The following METTL16 variants were observed in gnomAD, a reference collection of about 807,000 sequenced individuals.
METTL16 encodes the protein RNA N(6)-adenosine-methyltransferase METTL16.
METTL16 carries 19 observed loss-of-function variants against 57.9 expected under a neutral mutation model. The ratio of observed to expected loss-of-function variants is 0.33; its 90% CI spans 0.23 to 0.48. METTL16 has a LOEUF of 0.48. Ranked by LOEUF, METTL16 falls within the 20% of genes least tolerant of loss-of-function variation. METTL16 has a pLI of 0.99. For missense variants in METTL16, 434 were observed against 691.5 expected (o/e 0.63, Z 4.18); for synonymous variants, 246 against 255.6 (o/e 0.96, Z 0.36).
chr17:2,472,151 C>A (rs1426672579), intron 4 of METTL16, among the ~76,000 whole-genome samples: 3 of 149,684 alleles, frequency 2.0e-5, no homozygotes, highest in Admixed American at 6.6e-5. Flanking sequence ...GAACAGACAT[C>A]TCACCAAAAA....
intron 6 of METTL16, among the ~76,000 whole-genome samples, chr17:2,455,842 G>A (rs2067106415): frequency 6.6e-6 from 1 of 152,000 alleles, no homozygotes; most frequent in Admixed American, 6.6e-5. Context: ...AATTGGCCAG[G>A]CATGGTGTTG....
chr17:2,440,836 G>A (rs2066944630), intron 7 of METTL16, among the ~76,000 whole-genome samples: 1 of 151,810 alleles, frequency 6.6e-6, no homozygotes, highest in Non-Finnish European at 1.5e-5. Flanking sequence ...GCTAGGCATG[G>A]TGCCATCTGC....
intron 8 of METTL16, among the ~76,000 whole-genome samples, chr17:2,437,021 A>AC (rs1332018420): frequency 6.6e-6 from 1 of 152,034 alleles, no homozygotes; most frequent in Non-Finnish European, 1.5e-5. Context: ...AGCTGGGACT[A>AC]CAGGCATGCG....
intron 2 of METTL16, among the ~76,000 whole-genome samples, chr17:2,492,436 T>G (rs991122958): frequency 6.6e-6 from 1 of 152,126 alleles, no homozygotes; most frequent in African/African-American, 2.4e-5. Flanking sequence ...GCCACCTTAC[T>G]TATACCAGGC....
chr17:2,417,931 G>C lies in METTL16; in HGVS notation c.*2039C>G, dbSNP rs1324082970. The C allele has an allele frequency of 6.6e-6, 1 of 152,118 alleles. No individual in the cohort carries two copies. Among genetic ancestry groups the C allele is most frequent in the Non-Finnish European group, 1.5e-5 (1 of 68,032 alleles). 9.4% of individuals were successfully genotyped at this position (152,118 alleles called of 1,614,324 possible). On this transcript the variant is annotated 3_prime_UTR_variant, in exon 10 of 10. Transcript: ENST00000263092. ...CCTAAAATTATACCAAGGAAACTAG[G>C]TTTGGGCCCAGCAAATGACTCAAAT...
chr17:2,511,721 A>C (rs1198613054), intron 1 of METTL16, 38 bp downstream of exon 1: 2 of 397,388 alleles, frequency 5.0e-6, no homozygotes, highest in African/African-American at 4.1e-5. Flanking sequence ...TAAGTGACCC[A>C]TGATAGTAAA....
intron 3 of METTL16, 29 bp downstream of exon 3, chr17:2,477,657 T>C: frequency 6.5e-7 from 1 of 1,541,310 alleles, no homozygotes; most frequent in South Asian, 1.1e-5. Flanking sequence ...GAAAACTGTT[T>C]AGCCAAAAAA....
intron 6 of METTL16, among the ~76,000 whole-genome samples, chr17:2,447,487 C>T (rs1227163820): frequency 5.5e-5 from 7 of 127,216 alleles, no homozygotes; most frequent in Admixed American, 2.9e-4. Context: ...CCGCCCCGTC[C>T]GGGAGGTGAG....
intron 2 of METTL16, among the ~76,000 whole-genome samples, chr17:2,499,909 C>T (rs1364916601): frequency 6.6e-6 from 1 of 152,094 alleles, no homozygotes; most frequent in Non-Finnish European, 1.5e-5. Context: ...TGCATCACCA[C>T]ACCCAGCTAA....
chr17:2,509,243 C>T (rs778548999), intron 1 of METTL16, among the ~76,000 whole-genome samples: 2 of 152,188 alleles, frequency 1.3e-5, no homozygotes, highest in African/African-American at 4.8e-5. Flanking sequence ...TTTGAGTAAA[C>T]AATTCAGAAT....
intron 2 of METTL16, among the ~76,000 whole-genome samples, chr17:2,497,049 A>G (rs1016132824): frequency 2.6e-5 from 4 of 151,640 alleles, no homozygotes; most frequent in Non-Finnish European, 5.9e-5. Flanking sequence ...TCTGTTGCCC[A>G]GGTTGCACTG....
chr17:2,452,243 C>A (rs750863198), intron 6 of METTL16, among the ~76,000 whole-genome samples: 5 of 151,314 alleles, frequency 3.3e-5, no homozygotes, highest in African/African-American at 1.2e-4. Flanking sequence ...GCCATTGATA[C>A]TTAATAGACA....
chr17:2,444,915 C>T (rs2066983389), intron 6 of METTL16, among the ~76,000 whole-genome samples: 1 of 152,032 alleles, frequency 6.6e-6, no homozygotes, highest in African/African-American at 2.4e-5. Context: ...AGGGTTTCAC[C>T]ATGTTGGCCA....
intron 1 of METTL16, among the ~76,000 whole-genome samples, chr17:2,510,808 A>G (rs1172527183): frequency 1.3e-5 from 2 of 152,148 alleles, no homozygotes; most frequent in Non-Finnish European, 2.9e-5. Context: ...GACTACAGGT[A>G]CAGAGCACTG....
chr17:2,504,557 C>A (rs921896221), intron 1 of METTL16, among the ~76,000 whole-genome samples: 1 of 151,746 alleles, frequency 6.6e-6, no homozygotes, highest in African/African-American at 2.4e-5. Flanking sequence ...TTTGTTTTGT[C>A]TTGTTTTGTT....
intron 6 of METTL16, among the ~76,000 whole-genome samples, chr17:2,443,750 C>T (rs1005611025): frequency 6.6e-6 from 1 of 152,276 alleles, no homozygotes; most frequent in Non-Finnish European, 1.5e-5. Flanking sequence ...CCGTCCACCT[C>T]GGCCTCCCGA....
intron 8 of METTL16, among the ~76,000 whole-genome samples, chr17:2,431,629 C>A (rs558698375): frequency 6.6e-6 from 1 of 152,076 alleles, no homozygotes; most frequent in South Asian, 2.1e-4. Context: ...CTTGCCAACG[C>A]TGGATGGTCT....
At position 2,420,634 on chromosome 17, in the gene METTL16, G is replaced by A. The variant is rs777697065; in HGVS notation, c.1063-38C>T. ...AAAACAGAATTTTGTGGGAAATCAC[G>A]TTTCCCCTCTCTCCAAACTCTCAAT... On this transcript the variant is annotated intron_variant, in intron 9 of 9. Coordinates refer to ENST00000263092, the MANE Select transcript of METTL16 (RefSeq NM_024086.4). This position sits in a 1 kb window ranked among gnomAD's most constrained non-coding sequence, Gnocchi z 5.4. 57 of 1,569,652 alleles carry A rather than the reference G, an allele frequency of 3.6e-5. No individual in the cohort carries two copies. Among genetic ancestry groups the A allele is most frequent in the Middle Eastern group, 1.7e-4 (1 of 5,866 alleles).
intron 6 of METTL16, among the ~76,000 whole-genome samples, chr17:2,462,856 G>A (rs1213631884): frequency 2.0e-5 from 3 of 152,050 alleles, no homozygotes; most frequent in Non-Finnish European, 2.9e-5. Flanking sequence ...TTTATGTTAC[G>A]TGTATTTACC....
Sources: allele counts gnomAD v4.1 joint callset (sites outside exome capture counted in the v4.1 genomes callset), GRCh38; gene constraint gnomAD v4.1.1; non-coding constraint Gnocchi (gnomAD v3.1); transcripts MANE v1.5; gene names NCBI Gene and HGNC (gene_info 2026-07-23, HGNC 2026-07-21).